The following CUL1 variants were observed in gnomAD, a reference collection of about 807,000 sequenced individuals.
The protein encoded by CUL1 is cullin 1.
A neutral mutation model predicts 118.0 loss-of-function variants in CUL1; 24 were observed. The observed-to-expected ratio is 0.20, with a 90% confidence interval of 0.15 to 0.29. The LOEUF (loss-of-function observed/expected upper bound fraction) is 0.29, where lower values mean the gene tolerates loss of function less well. Ranked by LOEUF, CUL1 falls within the 10% of genes least tolerant of loss-of-function variation. CUL1 has a pLI of 1.00. For synonymous variants in CUL1, 332 were observed against 340.4 expected (o/e 0.98, Z 0.27); for missense variants, 361 against 933.8 (o/e 0.39, Z 7.99).
intron 7 of CUL1, 130 bp downstream of exon 7, chr7:148,760,626 C>A: frequency 1.5e-6 from 1 of 647,240 alleles, no homozygotes; most frequent in Non-Finnish European, 2.6e-6. Flanking sequence ...GTGTTTTTAT[C>A]AGGTGCAAGT....
At chr7:148,746,862 A>G (rs1201712644) in intron 2 of CUL1, among the ~76,000 whole-genome samples, 1 of 152,218 alleles carries the variant, frequency 6.6e-6, no homozygotes, top group Non-Finnish European at 1.5e-5. Flanking sequence ...AATATATTGC[A>G]GTCTTTTTAA....
At chr7:148,735,778 A>G (rs974802629) in intron 2 of CUL1, among the ~76,000 whole-genome samples, 3 of 152,172 alleles carry the variant, frequency 2.0e-5, no homozygotes, top group African/African-American at 7.2e-5. Flanking sequence ...GTGTATATAT[A>G]TGTTTATCCA....
intron 1 of CUL1, among the ~76,000 whole-genome samples, chr7:148,704,117 C>G (rs560311384): frequency 6.6e-6 from 1 of 150,836 alleles, no homozygotes; most frequent in African/African-American, 2.4e-5. Context: ...ACTTTCCTTA[C>G]TGTAAAAAGA....
At chr7:148,753,858 TA>T (rs1799571535) in intron 2 of CUL1, 117 bp from the exon 3 acceptor site, 1 of 718,520 alleles carries the variant, frequency 1.4e-6, no homozygotes, top group African/African-American at 1.8e-5. Context: ...TTCTAGTTTT[TA>T]ACAGGTTTTG....
At chr7:148,733,517 A>G (rs765407034) in intron 2 of CUL1, among the ~76,000 whole-genome samples, 3 of 152,212 alleles carry the variant, frequency 2.0e-5, no homozygotes, top group Non-Finnish European at 4.4e-5. Context: ...ATAACAGAGC[A>G]GTTTTTCAGA....
rs539058564 is a variant in CUL1, at chr7:148,784,010, A to T, written c.1231A>T (p.Met411Leu). ...RFINNNAVTK[M>L]AQSSSKSPEL... ...CATAAACAACAACGCGGTTACCAAG[A>T]TGGCCCAATCATCCAGTAAATCCCC... is the stretch of plus-strand genomic sequence containing the variant. The change falls in exon 11 of 22, where the codon ATG (methionine) becomes TTG (leucine). Residue 411 changes from methionine to leucine, a missense_variant. Physicochemically the swap from Met to Leu is conservative, Grantham distance 15. Coordinates refer to ENST00000325222, the MANE Select transcript of CUL1 (RefSeq NM_003592.3). The T allele has an allele frequency of 1.9e-6, 3 of 1,614,212 alleles. No homozygotes were observed. Among genetic ancestry groups the T allele is most frequent in the African/African-American group, 2.7e-5 (2 of 75,060 alleles).
intron 2 of CUL1, among the ~76,000 whole-genome samples, chr7:148,733,064 G>C (rs1414128507): frequency 1.3e-5 from 2 of 152,184 alleles, no homozygotes; most frequent in Admixed American, 6.5e-5. Context: ...ATAAGCTCCA[G>C]GAACCTGGTT....
chr7:148,767,539 T>G, intron 8 of CUL1, 80 bp from the exon 9 acceptor site: 1 of 1,268,594 alleles, frequency 7.9e-7, no homozygotes, highest in Non-Finnish European at 1.1e-6. Context: ...GTATTTTTCA[T>G]CTCAGTATAA....
chr7:148,713,418 C>T (rs1798113347), intron 1 of CUL1, among the ~76,000 whole-genome samples: 1 of 152,146 alleles, frequency 6.6e-6, no homozygotes, highest in Non-Finnish European at 1.5e-5. Flanking sequence ...CTTGTGGCAT[C>T]TTACTTGGAA....
At chr7:148,732,375 G>A (rs1433685794) in intron 2 of CUL1, among the ~76,000 whole-genome samples, 2 of 141,026 alleles carry the variant, frequency 1.4e-5, no homozygotes, top group African/African-American at 2.7e-5. Context: ...ACAGAGTCTC[G>A]CTCTGCCACC....
chr7:148,717,443 C>T (rs1197243281), intron 1 of CUL1, among the ~76,000 whole-genome samples: 1 of 152,130 alleles, frequency 6.6e-6, no homozygotes, highest in African/African-American at 2.4e-5. Flanking sequence ...CCTTTGTCAT[C>T]CTGAATTCTT....
At chr7:148,795,374 C>CT (rs1203018532) in intron 17 of CUL1, among the ~76,000 whole-genome samples, 1 of 150,550 alleles carries the variant, frequency 6.6e-6, no homozygotes, top group Admixed American at 6.6e-5. Context: ...TCAAGTGACA[C>CT]TTTCACCTTG....
At chr7:148,792,164 T>A (rs1801036115) in intron 16 of CUL1, among the ~76,000 whole-genome samples, 1 of 149,012 alleles carries the variant, frequency 6.7e-6, no homozygotes, top group African/African-American at 2.5e-5. Context: ...CCAGCCTGGG[T>A]GACAGAGCAA....
intron 2 of CUL1, among the ~76,000 whole-genome samples, chr7:148,733,887 C>T (rs1197710562): frequency 1.3e-5 from 2 of 152,050 alleles, no homozygotes; most frequent in Non-Finnish European, 2.9e-5. Context: ...CTACTTCTTG[C>T]TGTAAAACAA....
chr7:148,718,858 A>G (rs1411784580), intron 1 of CUL1, among the ~76,000 whole-genome samples: 1 of 152,236 alleles, frequency 6.6e-6, no homozygotes, highest in African/African-American at 2.4e-5. Context: ...CAATGCAAGC[A>G]TATGTGATAA....
intron 9 of CUL1, 62 bp downstream of exon 9, chr7:148,767,811 T>C (rs1031714823): frequency 2.0e-6 from 3 of 1,509,820 alleles, no homozygotes; most frequent in Non-Finnish European, 2.7e-6. Flanking sequence ...ACTGCAAGCA[T>C]ATGTTATGCG....
chr7:148,730,629 C>T (rs1225156406), intron 2 of CUL1, among the ~76,000 whole-genome samples: 2 of 152,128 alleles, frequency 1.3e-5, no homozygotes, highest in Non-Finnish European at 2.9e-5. Flanking sequence ...ATTTGTTTTA[C>T]GTCCATTTGT....
intron 2 of CUL1, among the ~76,000 whole-genome samples, chr7:148,748,724 C>G (rs899535206): frequency 6.6e-6 from 1 of 152,140 alleles, no homozygotes; most frequent in Non-Finnish European, 1.5e-5. Flanking sequence ...AATGGCCCCC[C>G]CGTTCTGGCC....
At chr7:148,796,712 G>A (rs1442855210) in intron 17 of CUL1, among the ~76,000 whole-genome samples, 1 of 152,136 alleles carries the variant, frequency 6.6e-6, no homozygotes, top group Non-Finnish European at 1.5e-5. Flanking sequence ...AGTCTCCTGA[G>A]TGGTTCTCAG....
Sources: allele counts gnomAD v4.1 joint callset (sites outside exome capture counted in the v4.1 genomes callset), GRCh38; gene constraint gnomAD v4.1.1; transcripts MANE v1.5; gene names NCBI Gene and HGNC (gene_info 2026-07-23, HGNC 2026-07-21).